The following DGKH variants were observed in gnomAD, a reference collection of about 807,000 sequenced individuals.
The protein encoded by DGKH is DAG kinase eta.
In DGKH, 90 loss-of-function variants were observed where a neutral mutation model predicts 159.3. The ratio of observed to expected loss-of-function variants is 0.57; its 90% CI spans 0.48 to 0.67. The LOEUF (loss-of-function observed/expected upper bound fraction) is 0.67, where lower values mean the gene tolerates loss of function less well. DGKH is among the 30% of genes least tolerant of loss of function. The probability of loss-of-function intolerance (pLI) is 0.00; values close to 1 mark genes in which losing one functional copy is unlikely to be tolerated. For missense variants in DGKH, 1,181 were observed against 1,506.1 expected (o/e 0.78, Z 3.57); for synonymous variants, 536 against 553.8 (o/e 0.97, Z 0.45).
At chr13:42,224,816 A>C (rs913606397) in intron 29 of DGKH, among the ~76,000 whole-genome samples, 6 of 152,092 alleles carry the variant, frequency 3.9e-5, no homozygotes, top group Admixed American at 3.9e-4. Flanking sequence ...ACTCCTGCTC[A>C]GAGATTAGCT....
intron 1 of DGKH, among the ~76,000 whole-genome samples, chr13:42,116,389 A>G: frequency 6.6e-6 from 1 of 152,216 alleles, no homozygotes; most frequent in East Asian, 1.9e-4. Context: ...CATCTCTCCC[A>G]TGACGCCAAA....
At position 42,127,535 on chromosome 13, in the gene DGKH, C is replaced by T. The variant is rs1237921985; in HGVS notation, c.265C>T (p.Leu89Phe). ...FQRWKKRYFK[L>F]RGRTLYYAKD... ...AAGGTGGAAAAAGCGATACTTCAAA[C>T]TTCGAGGCCGCACCCTTTACTATGC... Residue 89 changes from leucine to phenylalanine, a missense_variant, in exon 2 of 30, where the codon CTT becomes TTT. This residue lies in a region of DGKH where 136 missense variants were observed against 132.2 expected (regional missense o/e 1.03). Coordinates refer to ENST00000337343, the MANE Select transcript of DGKH (RefSeq NM_178009.5). The T allele has an allele frequency of 1.2e-6, 2 of 1,613,822 alleles. No homozygotes were observed. The highest frequency in any genetic ancestry group is 1.1e-5 in the South Asian group (1 of 91,076).
Position 42,048,699 on chromosome 13 carries a change from C to CGGGCA in DGKH, c.-73_-69dup. 8.2e-7 allele frequency: 1 copy of CGGGCA among 1,215,066 alleles called. No homozygotes were observed. The highest frequency in any genetic ancestry group is 3.4e-5 in the East Asian group (1 of 29,326). The allele number at this position is 1,215,066 out of a possible 1,614,324, so 75.3% of individuals were successfully genotyped here. A position where few individuals can be genotyped will look rare whatever the true frequency, so the allele number is the denominator to read the frequency against. ...CGGGCACGGGGTTCCGGGCTCCGCT[C>CGGGCA]GGGCAGAGCCCACCCGCTGACCAAC... is the stretch of plus-strand genomic sequence containing the variant. On this transcript the variant is annotated 5_prime_UTR_variant, in exon 1 of 30. An upstream open reading frame in the 5' UTR loses its in-frame stop. Coordinates refer to ENST00000337343, the MANE Select transcript of DGKH (RefSeq NM_178009.5). The surrounding 1 kb of genome is among the most constrained non-coding windows in gnomAD (Gnocchi z 6.7).
chr13:42,198,688 A>T, intron 18 of DGKH, 93 bp downstream of exon 18: 8 of 1,082,328 alleles, frequency 7.4e-6, no homozygotes. Flanking sequence ...GTATTACAAT[A>T]AATATGGTCC....
chr13:42,110,124 T>C (rs182849620), intron 1 of DGKH, among the ~76,000 whole-genome samples: 2 of 152,286 alleles, frequency 1.3e-5, no homozygotes, highest in East Asian at 3.9e-4. Flanking sequence ...TTCCAGAAAA[T>C]AAGCAGATCT....
In DGKH at chr13:42,151,606, CACACACA is replaced by C. The variant is rs1566134857; in HGVS notation, c.385-3684_385-3678del. ...ACACACACACACACACACACACACA[CACACACA>C]CCCCATGGAAAACTACTCAGTCATA... On this transcript the variant is annotated intron_variant, in intron 3 of 29. Coordinates refer to ENST00000337343, the MANE Select transcript of DGKH (RefSeq NM_178009.5). 5.0e-4 allele frequency among the ~76,000 whole-genome samples: 65 copies of C among 130,924 alleles called. 1 individual carries two copies. The highest frequency in any genetic ancestry group is 9.8e-4 in the African/African-American group (37 of 37,840). 85.9% of individuals were successfully genotyped at this position (130,924 alleles called of 152,430 possible). A position where few individuals can be genotyped will look rare whatever the true frequency, so the allele number is the denominator to read the frequency against.
At chr13:42,225,275 C>A (rs746673666) in intron 29 of DGKH, 2 of 1,585,590 alleles carry the variant, frequency 1.3e-6, no homozygotes, top group South Asian at 2.3e-5. Context: ...CTGATTGCAT[C>A]ATTTTCTTTG....
At chr13:42,045,774 G>A (rs760727473), upstream of DGKH, among the ~76,000 whole-genome samples, 3 of 152,198 alleles carry the variant, frequency 2.0e-5, no homozygotes, top group African/African-American at 7.2e-5. Context: ...AACATTCTGC[G>A]TATTTATGGC....
At chr13:42,197,081 C>T in intron 17 of DGKH, among the ~76,000 whole-genome samples, 1 of 151,846 alleles carries the variant, frequency 6.6e-6, no homozygotes, top group Non-Finnish European at 1.5e-5. Flanking sequence ...GAAACCCCGT[C>T]TCTACTAAAA....
chr13:42,054,323 G>A (rs1030846602), intron 1 of DGKH, among the ~76,000 whole-genome samples: 2 of 152,186 alleles, frequency 1.3e-5, no homozygotes, highest in Admixed American at 6.5e-5. Flanking sequence ...CAGAAACATG[G>A]CCAGAAGAAT....
chr13:42,198,527 C>T lies in DGKH; in HGVS notation c.2217C>T (p.Asn739=). ...CAATTGCTGGGAGTTCGATTATCAA[C>T]AAAATGTTACTGGCAAACATTGATC... ...AASIAGSSII[N]KMLLANIDPF... Residue 739 remains asparagine (N), a synonymous_variant, in exon 18 of 30, where the codon AAC becomes AAT. Transcript: ENST00000337343. The T allele has an allele frequency of 6.2e-7, 1 of 1,613,782 alleles. No individual in the cohort carries two copies. Among genetic ancestry groups the T allele is most frequent in the Non-Finnish European group, 8.5e-7 (1 of 1,179,856 alleles).
chr13:42,093,051 C>T (rs995314169), intron 1 of DGKH, among the ~76,000 whole-genome samples: 2 of 152,000 alleles, frequency 1.3e-5, no homozygotes, highest in African/African-American at 4.8e-5. Context: ...CCAGACCAGC[C>T]AGGGCAACAT....
intron 1 of DGKH, among the ~76,000 whole-genome samples, chr13:42,080,236 T>TA (rs1954174617): frequency 6.6e-6 from 1 of 152,214 alleles, no homozygotes; most frequent in South Asian, 2.1e-4. Context: ...ACAGAATAGT[T>TA]AATGTTTGTT....
chr13:42,181,037 A>G (rs1224012168), intron 13 of DGKH, among the ~76,000 whole-genome samples: 2 of 151,918 alleles, frequency 1.3e-5, no homozygotes, highest in East Asian at 3.9e-4. Flanking sequence ...AGCACTTTGG[A>G]AGGCCGAGGC....
intron 13 of DGKH, 131 bp downstream of exon 13, chr13:42,178,351 A>T (rs1383086772): frequency 1.6e-6 from 1 of 620,494 alleles, no homozygotes. Flanking sequence ...AATTAGATGT[A>T]CTAAATTTGA....
chr13:42,243,822 G>C (rs1391443043), downstream of DGKH, among the ~76,000 whole-genome samples: 7 of 152,178 alleles, frequency 4.6e-5, no homozygotes. Context: ...GGCAAGGTCA[G>C]AACTAAGCAA....
At chr13:42,192,905 A>G (rs1957118161) in intron 16 of DGKH, among the ~76,000 whole-genome samples, 2 of 152,234 alleles carry the variant, frequency 1.3e-5, no homozygotes, top group South Asian at 2.1e-4. Flanking sequence ...GTATTAGCAC[A>G]TTGGTACCCA....
chr13:42,109,969 A>G (rs1273782493), intron 1 of DGKH, among the ~76,000 whole-genome samples: 3 of 152,138 alleles, frequency 2.0e-5, no homozygotes, highest in African/African-American at 7.2e-5. Context: ...ATATCTATCT[A>G]TCTATGTATC....
In DGKH at chr13:42,155,656, C is replaced by G. The variant is rs1266537661; in HGVS notation, c.490-11C>G. Reference sequence around the variant, plus strand: ...TGGCTTGGCAAATCTGTCCTCACATCTCATTTCTAGGTGGCCCAGTTTAAT... The same window carrying G: ...TGGCTTGGCAAATCTGTCCTCACATGTCATTTCTAGGTGGCCCAGTTTAAT... On this transcript the variant is annotated splice_polypyrimidine_tract_variant and intron_variant, in intron 4 of 29. Coordinates refer to ENST00000337343, the MANE Select transcript of DGKH (RefSeq NM_178009.5). The G allele has an allele frequency of 1.9e-6, 3 of 1,614,146 alleles. No homozygotes were observed. In the South Asian group the frequency reaches 3.3e-5, roughly 18 times the overall value.
Sources: allele counts gnomAD v4.1 joint callset (sites outside exome capture counted in the v4.1 genomes callset), GRCh38; gene constraint gnomAD v4.1.1; regional missense constraint gnomAD v4.1.1; non-coding constraint Gnocchi (gnomAD v3.1); transcripts MANE v1.5; gene names NCBI Gene and HGNC (gene_info 2026-07-23, HGNC 2026-07-21).